Variants in NPSR1 observed in about 807,000 individuals in gnomAD.
The protein encoded by NPSR1 is neuropeptide S receptor.
A neutral mutation model predicts 46.9 loss-of-function variants in NPSR1; 48 were observed. The ratio of observed to expected loss-of-function variants is 1.02; its 90% confidence interval spans 0.81 to 1.30. The LOEUF is 1.30. NPSR1 is among the 50% of genes most tolerant of loss of function. The pLI is 0.00. For missense variants in NPSR1, 450 were observed against 449.5 expected, an observed-to-expected ratio of 1.00 and a Z score of -0.01; for synonymous variants, 176 against 168.1, an observed-to-expected ratio of 1.05 and a Z score of -0.36.
intron 3 of NPSR1, among the ~76,000 whole-genome samples, chr7:34,799,178 G>C (rs1196482172): frequency 6.6e-6 from 1 of 151,988 alleles, no homozygotes; most frequent in Non-Finnish European, 1.5e-5. Context: ...TAATGAATAT[G>C]TTAATTAGCT....
chr7:34,848,658 C>T lies in NPSR1; in HGVS notation c.1020C>T (p.Pro340=). 3 of 1,613,682 alleles carry T rather than the reference C, an allele frequency of 1.9e-6. No homozygotes were observed. Among genetic ancestry groups the T allele is most frequent in the Non-Finnish European group, 2.5e-6 (3 of 1,179,908 alleles). ...YCVFSSSISF[P]CREQRSQDSR... ...TCTTCAGCAGCTCCATCTCTTTCCC[C>T]TGCAGGTAAGGGGAGCTCTTGCATG... is the stretch of plus-strand genomic sequence containing the variant. The change falls in exon 8 of 9, where the codon CCC becomes CCT. Residue 340 remains proline, a synonymous_variant. Coordinates refer to ENST00000360581, the MANE Select transcript of NPSR1 (RefSeq NM_207172.2).
At chr7:34,761,797 A>C (rs1786185685) in intron 2 of NPSR1, among the ~76,000 whole-genome samples, 1 of 152,230 alleles carries the variant, frequency 6.6e-6, no homozygotes, top group African/African-American at 2.4e-5. Flanking sequence ...AGTCAGTTTG[A>C]GCCCCATGTT....
intron 3 of NPSR1, among the ~76,000 whole-genome samples, chr7:34,786,051 C>T (rs1164814541): frequency 1.3e-5 from 2 of 152,108 alleles, no homozygotes; most frequent in African/African-American, 4.8e-5. Flanking sequence ...AAGTTTGTTG[C>T]ATCAATTGAC....
At chr7:34,752,392 C>T (rs1346168312) in intron 2 of NPSR1, among the ~76,000 whole-genome samples, 4 of 152,070 alleles carry the variant, frequency 2.6e-5, no homozygotes, top group African/African-American at 9.7e-5. Flanking sequence ...TAAGGAGTTT[C>T]CTTAGACCCC....
At chr7:34,813,833 C>T (rs369278816) in intron 4 of NPSR1, among the ~76,000 whole-genome samples, 2 of 152,172 alleles carry the variant, frequency 1.3e-5, no homozygotes, top group Non-Finnish European at 2.9e-5. Flanking sequence ...GTGTTGTGTG[C>T]AATTAAAATG....
intron 6 of NPSR1, among the ~76,000 whole-genome samples, chr7:34,840,190 C>T (rs1790514107): frequency 6.6e-6 from 1 of 152,162 alleles, no homozygotes; most frequent in Non-Finnish European, 1.5e-5. Context: ...CAGAGATATG[C>T]AGCCATGCCC....
intron 2 of NPSR1, among the ~76,000 whole-genome samples, chr7:34,724,342 T>C (rs1030071413): frequency 6.6e-6 from 1 of 152,200 alleles, no homozygotes; most frequent in Admixed American, 6.5e-5. Flanking sequence ...TTGTTCATAG[T>C]TGGATGTAAA....
At chr7:34,798,189 T>C (rs1474571604) in intron 3 of NPSR1, among the ~76,000 whole-genome samples, 1 of 152,180 alleles carries the variant, frequency 6.6e-6, no homozygotes, top group Non-Finnish European at 1.5e-5. Context: ...AATAATGCAT[T>C]GGTAATCATT....
At chr7:34,702,840 T>A (rs1793902937) in intron 2 of NPSR1, among the ~76,000 whole-genome samples, 2 of 152,240 alleles carry the variant, frequency 1.3e-5, no homozygotes, top group African/African-American at 4.8e-5. Flanking sequence ...TTGGCTAATG[T>A]CTTTTTTGGT....
intron 8 of NPSR1, among the ~76,000 whole-genome samples, chr7:34,867,363 A>G (rs925703451): frequency 1.3e-5 from 2 of 151,820 alleles, no homozygotes; most frequent in Admixed American, 6.5e-5. Context: ...CTGATGCCTC[A>G]CAAATCCTCT....
chr7:34,744,970 G>A (rs1785130408), intron 2 of NPSR1, among the ~76,000 whole-genome samples: 1 of 152,066 alleles, frequency 6.6e-6, no homozygotes. Context: ...AATTTATATA[G>A]AACTTACATT....
chr7:34,790,988 A>ATATATGTTATATGT (rs1206941846), intron 3 of NPSR1, among the ~76,000 whole-genome samples: 2 of 92,694 alleles, frequency 2.2e-5, no homozygotes, highest in African/African-American at 4.5e-5. Flanking sequence ...ATGTTATATT[A>ATATATGTTATATGT]TATATGTTAT....
chr7:34,692,406 A>C (rs1018516408), intron 2 of NPSR1, among the ~76,000 whole-genome samples: 1 of 152,192 alleles, frequency 6.6e-6, no homozygotes, highest in Non-Finnish European at 1.5e-5. Flanking sequence ...GCACCTTCAA[A>C]AATACACAAG....
intron 1 of NPSR1, among the ~76,000 whole-genome samples, chr7:34,659,522 C>T (rs1162047883): frequency 2.0e-5 from 3 of 152,210 alleles, no homozygotes; most frequent in Non-Finnish European, 4.4e-5. Flanking sequence ...ATCCACCTCC[C>T]TACTGGAAGT....
intron 2 of NPSR1, among the ~76,000 whole-genome samples, chr7:34,746,034 C>G (rs773165688): frequency 6.6e-5 from 10 of 152,164 alleles, no homozygotes; most frequent in Non-Finnish European, 1.5e-4. Context: ...CTTAGTGACC[C>G]TCAGAGGTCC....
intron 2 of NPSR1, chr7:34,728,726 G>C (rs1248878046): frequency 6.6e-6 from 1 of 152,646 alleles, no homozygotes; most frequent in African/African-American, 2.4e-5. Flanking sequence ...ACCCATGATA[G>C]CTATACGTAC....
rs955639802 is a variant in NPSR1 at position 34,658,625 on chromosome 7, G to A, written c.147+66G>A. The A allele has an allele frequency of 4.2e-6, 6 of 1,439,330 alleles. No individual in the cohort carries two copies. In the Admixed American group the frequency reaches 7.1e-5, roughly 17 times the overall value. The allele number at this position is 1,439,330 out of a possible 1,614,324, so 89.2% of individuals were successfully genotyped here. On this transcript the variant is annotated intron_variant, in intron 1 of 8. Coordinates refer to ENST00000360581, the MANE Select transcript of NPSR1 (RefSeq NM_207172.2). ...AATGAGACTGCTGGAACTTAAGAGTGTCAATTGAAGTATCATAGCCAGTAT... is the reference window on the plus strand; with the variant it reads ...AATGAGACTGCTGGAACTTAAGAGTATCAATTGAAGTATCATAGCCAGTAT...
exon 9 of NPSR1, chr7:34,878,223 T>C: frequency 1.7e-6 from 2 of 1,211,126 alleles, no homozygotes; most frequent in Non-Finnish European, 2.4e-6. Flanking sequence ...CTGTGCCTGG[T>C]GCCACTTCTC....
intron 8 of NPSR1, among the ~76,000 whole-genome samples, chr7:34,870,867 CATGGATGGATGGATGG>C (rs56324222): frequency 1.4e-5 from 2 of 145,648 alleles, no homozygotes; most frequent in Non-Finnish European, 3.0e-5. Context: ...AAGTGGGTAA[CATGGATGGATGGATGG>C]ATGGATGGAT....
Sources: gnomAD v4.1 joint callset for allele counts (sites outside exome capture counted in the v4.1 genomes callset) on GRCh38, gnomAD v4.1.1 for gene constraint, MANE v1.5 for transcripts, NCBI Gene and HGNC (gene_info 2026-07-23, HGNC 2026-07-21) for gene names.